Variants in MRTFB observed in about 807,000 individuals in gnomAD.
The protein encoded by MRTFB is myocardin-related transcription factor B.
In MRTFB, 29 loss-of-function variants were observed where a neutral mutation model predicts 104.2. The ratio of observed to expected loss-of-function variants is 0.28; its 90% CI spans 0.21 to 0.38. The LOEUF is 0.38. Among genes scored for constraint, MRTFB ranks in the 10% least tolerant of loss-of-function variants. The pLI is 1.00. For missense variants in MRTFB, 1,270 were observed against 1,341.6 expected (o/e 0.95, Z 0.83); for synonymous variants, 535 against 519.5 (o/e 1.03, Z -0.41).
intron 2 of MRTFB, among the ~76,000 whole-genome samples, chr16:14,112,319 C>T (rs1017668405): frequency 6.6e-6 from 1 of 152,054 alleles, no homozygotes; most frequent in African/African-American, 2.4e-5. Flanking sequence ...GGGGAGATCA[C>T]GGAGTGTTCC....
intron 16 of MRTFB, among the ~76,000 whole-genome samples, chr16:14,260,354 TAAAA>T (rs11334309): frequency 7.7e-6 from 1 of 129,226 alleles, no homozygotes; most frequent in African/African-American, 2.7e-5. Context: ...ACTGTAATGA[TAAAA>T]AAAAAAAAAA....
intron 2 of MRTFB, chr16:14,092,741 C>A (rs1341382787): frequency 6.6e-6 from 1 of 152,088 alleles, no homozygotes; most frequent in Non-Finnish European, 1.5e-5. Flanking sequence ...TAAACTCTCA[C>A]AAGAGATGTT....
chr16:14,059,137 C>T, the MRTFB span, among the ~76,000 whole-genome samples: 4 of 152,066 alleles, frequency 2.6e-5, no homozygotes, highest in Non-Finnish European at 4.4e-5. Flanking sequence ...TATTTTGATA[C>T]ATACAGACAA....
At chr16:14,212,521 T>G (rs985657753) in intron 5 of MRTFB, 112 bp downstream of exon 5, 2 of 957,024 alleles carry the variant, frequency 2.1e-6, no homozygotes, top group Non-Finnish European at 3.2e-6. Flanking sequence ...AGAGAAAAAA[T>G]AGTGTATTTT....
At chr16:14,066,218 AC>A in the MRTFB span, among the ~76,000 whole-genome samples, 1 of 151,410 alleles carries the variant, frequency 6.6e-6, no homozygotes, top group Non-Finnish European at 1.5e-5. Context: ...TTTTTTGGAA[AC>A]CATACCTTAT....
chr16:14,263,357 G>T lies in MRTFB; in HGVS notation c.*1913G>T, dbSNP rs1208067080. On this transcript the variant is annotated 3_prime_UTR_variant, in exon 17 of 17. Coordinates refer to ENST00000571589, the MANE Select transcript of MRTFB (RefSeq NM_001308142.2). ...TTCCATTGAGAGGGGCCTGTCTCCA[G>T]GGCCAGGCTATTTACTTGGGAAAGT... The T allele has an allele frequency of 6.6e-6, 1 of 152,146 alleles. No homozygotes were observed. The highest frequency in any genetic ancestry group is 1.5e-5 in the Non-Finnish European group (1 of 68,028). 9.4% of individuals were successfully genotyped at this position (152,146 alleles called of 1,614,324 possible).
chr16:14,155,608 A>T (rs2038797780), intron 3 of MRTFB, among the ~76,000 whole-genome samples: 1 of 152,164 alleles, frequency 6.6e-6, no homozygotes, highest in Non-Finnish European at 1.5e-5. Context: ...TAACTTTTGG[A>T]TCACCTTCAA....
intron 3 of MRTFB, among the ~76,000 whole-genome samples, chr16:14,180,142 G>A (rs2039720300): frequency 6.6e-6 from 1 of 152,190 alleles, no homozygotes; most frequent in Non-Finnish European, 1.5e-5. Context: ...GAAAGTGGCA[G>A]TCAGAAATAG....
the MRTFB span, among the ~76,000 whole-genome samples, chr16:14,047,635 G>A: frequency 6.6e-6 from 1 of 152,160 alleles, no homozygotes; most frequent in South Asian, 2.1e-4. Flanking sequence ...ATGGCAGCAG[G>A]CAGGAGAGAC....
intron 1 of MRTFB, among the ~76,000 whole-genome samples, chr16:14,073,994 A>C (rs1331802224): frequency 6.6e-6 from 1 of 152,190 alleles, no homozygotes; most frequent in Non-Finnish European, 1.5e-5. Context: ...TATAACATTT[A>C]TATATGTTAC....
intron 3 of MRTFB, chr16:14,200,573 T>G (rs2040650465): frequency 6.2e-7 from 1 of 1,603,774 alleles, no homozygotes; most frequent in African/African-American, 1.3e-5. Context: ...CTTGTTGTCA[T>G]GTGACTTTTG....
At chr16:14,024,476 T>C in the MRTFB span, among the ~76,000 whole-genome samples, 1 of 152,222 alleles carries the variant, frequency 6.6e-6, no homozygotes, top group South Asian at 2.1e-4. Flanking sequence ...TAAATTGATA[T>C]GGCCACTGCA....
At chr16:14,161,770 G>A (rs927203164) in intron 3 of MRTFB, among the ~76,000 whole-genome samples, 12 of 152,110 alleles carry the variant, frequency 7.9e-5, no homozygotes, top group African/African-American at 2.7e-4. Context: ...CACAGATACA[G>A]ATACTTCACA....
chr16:14,033,366 C>G, the MRTFB span, among the ~76,000 whole-genome samples: 5 of 121,854 alleles, frequency 4.1e-5, no homozygotes, highest in South Asian at 2.9e-4. Context: ...GGCAATATAG[C>G]AAGACCTCAT....
chr16:14,049,181 C>G, the MRTFB span, among the ~76,000 whole-genome samples: 5 of 152,270 alleles, frequency 3.3e-5, no homozygotes, highest in South Asian at 2.1e-4. Flanking sequence ...ATTATCTGGC[C>G]CCAAGTGCCA....
chr16:14,153,119 G>T (rs1482624069), intron 3 of MRTFB: 2 of 152,162 alleles, frequency 1.3e-5, no homozygotes, highest in African/African-American at 4.8e-5. Flanking sequence ...AAATGAAAGT[G>T]AAATAATAAA....
At chr16:14,243,430 T>C (rs1232938212) in intron 10 of MRTFB, among the ~76,000 whole-genome samples, 1 of 152,216 alleles carries the variant, frequency 6.6e-6, no homozygotes, top group Admixed American at 6.5e-5. Flanking sequence ...GAATGTGGAA[T>C]TCCAAGTCTC....
At chr16:14,053,542 C>T in the MRTFB span, among the ~76,000 whole-genome samples, 102 of 152,078 alleles carry the variant, frequency 6.7e-4, no homozygotes, top group Non-Finnish European at 1.3e-3. Flanking sequence ...ACCAGTCTGG[C>T]CAACATGGTG....
rs61205256 is a variant in MRTFB at position 14,168,217 on chromosome 16, A to ATGTGTGTGTGTGTGTGTG, written c.154+27467_154+27484dup. Among the ~76,000 whole-genome samples the ATGTGTGTGTGTGTGTGTG allele has an allele frequency of 2.5e-4, 37 of 148,110 alleles. 1 individual carries two copies. Among genetic ancestry groups the ATGTGTGTGTGTGTGTGTG allele is most frequent in the African/African-American group, 9.2e-4 (37 of 40,428 alleles). On this transcript the variant is annotated intron_variant, in intron 3 of 16. Coordinates refer to ENST00000571589, the MANE Select transcript of MRTFB (RefSeq NM_001308142.2). ...AGTGGTTTACATTTTTAAAGATAAA[A>ATGTGTGTGTGTGTGTGTG]TGTGTGTGTGTGTGTGTGTGTGTGT... is the stretch of plus-strand genomic sequence containing the variant.
Sources: gnomAD v4.1 joint callset for allele counts (sites outside exome capture counted in the v4.1 genomes callset) on GRCh38, gnomAD v4.1.1 for gene constraint, MANE v1.5 for transcripts, NCBI Gene and HGNC (gene_info 2026-07-23, HGNC 2026-07-21) for gene names.